NEGR1: variants seen among roughly 807,000 people sequenced by gnomAD.
The protein encoded by NEGR1 is IgLON family member 4.
NEGR1 carries 10 observed loss-of-function variants against 40.9 expected under a neutral mutation model. The observed-to-expected ratio is 0.24, with a 90% CI of 0.15 to 0.42. The LOEUF is 0.42. NEGR1 is among the 10% of genes least tolerant of loss of function. NEGR1 has a pLI of 1.00. For synonymous variants in NEGR1, 185 were observed against 166.8 expected, an observed-to-expected ratio of 1.11 and a Z score of -0.84; for missense variants, 352 against 438.9, an observed-to-expected ratio of 0.80 and a Z score of 1.77.
intron 1 of NEGR1, among the ~76,000 whole-genome samples, chr1:72,055,785 T>G (rs1647104312): frequency 6.8e-6 from 1 of 146,300 alleles, no homozygotes; most frequent in Non-Finnish European, 1.5e-5. Flanking sequence ...TAATCTATAA[T>G]ATATTATATA....
chr1:71,754,319 C>T (rs993367754), intron 3 of NEGR1, among the ~76,000 whole-genome samples: 1 of 152,190 alleles, frequency 6.6e-6, no homozygotes, highest in African/African-American at 2.4e-5. Flanking sequence ...ATCACTTCTA[C>T]AATTGCTACT....
chr1:71,520,067 A>G (rs1193773724), intron 6 of NEGR1, among the ~76,000 whole-genome samples: 1 of 152,054 alleles, frequency 6.6e-6, no homozygotes, highest in Non-Finnish European at 1.5e-5. Flanking sequence ...AATATGGGTG[A>G]GAAGGTGGGA....
At position 72,000,927 on chromosome 1, in the gene NEGR1, T is replaced by C. The variant is rs149522559; in HGVS notation, c.177-65616A>G. On this transcript the variant is annotated intron_variant, in intron 1 of 6. Coordinates refer to ENST00000357731, the MANE Select transcript of NEGR1 (RefSeq NM_173808.3). ...GCCTGAAGGCACAGATAAGGGAACTTGCAAAGGAGAGCTTGCCTGAGACAT... is the reference window on the plus strand; with the variant it reads ...GCCTGAAGGCACAGATAAGGGAACTCGCAAAGGAGAGCTTGCCTGAGACAT... Among the ~76,000 whole-genome samples, 547 of 152,222 alleles carry C rather than the reference T, an allele frequency of 3.6e-3. 2 individuals carry two copies. The highest frequency in any genetic ancestry group is 0.012 in the African/African-American group (514 of 41,542).
intron 6 of NEGR1, among the ~76,000 whole-genome samples, chr1:71,448,336 C>T (rs796920880): frequency 1.3e-5 from 2 of 151,914 alleles, no homozygotes; most frequent in Admixed American, 6.5e-5. Flanking sequence ...TGGTGGCTCA[C>T]GCCTCTAATC....
chr1:71,850,550 T>C (rs765301515), intron 2 of NEGR1, among the ~76,000 whole-genome samples: 11 of 152,172 alleles, frequency 7.2e-5, no homozygotes, highest in Non-Finnish European at 1.0e-4. Flanking sequence ...CAAATTAAAA[T>C]TTCTGCTAAG....
chr1:71,680,460 A>G (rs939722376), intron 4 of NEGR1, among the ~76,000 whole-genome samples: 27 of 151,982 alleles, frequency 1.8e-4, no homozygotes, highest in African/African-American at 6.5e-4. Context: ...TTCTGTCTCT[A>G]TTTCATTTCT....
intron 1 of NEGR1, among the ~76,000 whole-genome samples, chr1:72,194,325 A>G (rs1652925999): frequency 6.6e-6 from 1 of 151,930 alleles, no homozygotes; most frequent in Non-Finnish European, 1.5e-5. Context: ...GAAACAAATG[A>G]GAAGTTTTTA....
At chr1:71,579,935 G>C (rs1367441814) in intron 6 of NEGR1, among the ~76,000 whole-genome samples, 4 of 152,152 alleles carry the variant, frequency 2.6e-5, no homozygotes, top group African/African-American at 9.7e-5. Flanking sequence ...AGCATAGTAA[G>C]AGTCAGTTGT....
rs1653530259 is a variant in NEGR1 at position 71,697,805 on chromosome 1, A to C, written c.667+203T>G. On this transcript the variant is annotated intron_variant, in intron 4 of 6. Transcript: ENST00000357731. ...CATTTCACTCCATACATCAGACTGA[A>C]TTATTGTGGGTTTACTTGGGACAAT... 4 of 557,658 alleles carry C rather than the reference A, an allele frequency of 7.2e-6. No homozygotes were observed. In the East Asian group the frequency reaches 1.2e-4, roughly 17 times the overall value. 34.5% of individuals were successfully genotyped at this position (557,658 alleles called of 1,614,324 possible). A position where few individuals can be genotyped will look rare whatever the true frequency, so the allele number is the denominator to read the frequency against.
chr1:72,259,411 G>C (rs1244263639), intron 1 of NEGR1, among the ~76,000 whole-genome samples: 1 of 151,552 alleles, frequency 6.6e-6, no homozygotes, highest in African/African-American at 2.4e-5. Flanking sequence ...TCTATACATT[G>C]ATATTTATTA....
chr1:71,787,899 T>C (rs1400766710), intron 2 of NEGR1, among the ~76,000 whole-genome samples: 1 of 152,222 alleles, frequency 6.6e-6, no homozygotes, highest in Non-Finnish European at 1.5e-5. Context: ...TTACGTTGTT[T>C]GTTTTCTTAT....
At chr1:72,245,795 T>C (rs1296701103) in intron 1 of NEGR1, among the ~76,000 whole-genome samples, 1 of 152,146 alleles carries the variant, frequency 6.6e-6, no homozygotes, top group East Asian at 1.9e-4. Context: ...AATATTCCAT[T>C]AATCCAAAAC....
chr1:71,997,562 G>C (rs1005657736), intron 1 of NEGR1, among the ~76,000 whole-genome samples: 1 of 151,858 alleles, frequency 6.6e-6, no homozygotes, highest in African/African-American at 2.4e-5. Flanking sequence ...TGGTGTTTTA[G>C]TCCAATATTC....
chr1:72,107,912 T>C (rs1479428844), intron 1 of NEGR1, among the ~76,000 whole-genome samples: 2 of 149,734 alleles, frequency 1.3e-5, no homozygotes, highest in South Asian at 4.2e-4. Flanking sequence ...TCTTCAAAGC[T>C]AAAAAAAAAC....
chr1:71,969,914 T>C (rs1465560430), intron 1 of NEGR1, among the ~76,000 whole-genome samples: 2 of 152,222 alleles, frequency 1.3e-5, no homozygotes, highest in African/African-American at 4.8e-5. Flanking sequence ...TTTCAATAGA[T>C]ATTTGAGTGT....
At chr1:71,671,891 CTCTTT>C (rs902091653) in intron 4 of NEGR1, among the ~76,000 whole-genome samples, 12 of 92,334 alleles carry the variant, frequency 1.3e-4, no homozygotes, top group Admixed American at 4.8e-4. Flanking sequence ...TTCTCTCTCT[CTCTTT>C]TTTTTTTTTT....
At chr1:72,010,408 G>A (rs1043992247) in intron 1 of NEGR1, among the ~76,000 whole-genome samples, 2 of 152,020 alleles carry the variant, frequency 1.3e-5, no homozygotes, top group African/African-American at 4.8e-5. Context: ...ATTTCAAAAT[G>A]TCTATTTTTA....
chr1:72,087,693 A>G lies in NEGR1; in HGVS notation c.177-152382T>C, dbSNP rs114236356. ...CTAGAGCGCTGTGATACCATAACTC[A>G]GTGATCCTCCCACCTCAGCCTCCTA... On this transcript the variant is annotated intron_variant, in intron 1 of 6. Coordinates refer to ENST00000357731, the MANE Select transcript of NEGR1 (RefSeq NM_173808.3). Among the ~76,000 whole-genome samples the G allele has an allele frequency of 8.5e-3, 1,266 of 149,028 alleles. 18 individuals carry two copies. Among genetic ancestry groups the G allele is most frequent in the African/African-American group, 0.03 (1,221 of 40,452 alleles).
At chr1:71,491,438 A>G (rs993320830) in intron 6 of NEGR1, among the ~76,000 whole-genome samples, 1 of 152,034 alleles carries the variant, frequency 6.6e-6, no homozygotes, top group Non-Finnish European at 1.5e-5. Flanking sequence ...ACGTGAAGGA[A>G]TATGTATTTA....
Sources: gnomAD v4.1 joint callset for allele counts (sites outside exome capture counted in the v4.1 genomes callset) on GRCh38, gnomAD v4.1.1 for gene constraint, MANE v1.5 for transcripts, NCBI Gene and HGNC (gene_info 2026-07-23, HGNC 2026-07-21) for gene names.